HMGB1: variants seen among roughly 807,000 people sequenced by gnomAD.
HMGB1 encodes high mobility group protein B1.
For missense variants in HMGB1, 79 were observed against 253.5 expected, an observed-to-expected ratio of 0.31 and a Z score of 4.67; for synonymous variants, 81 against 84.0, an observed-to-expected ratio of 0.96 and a Z score of 0.19.
intron 1 of HMGB1, among the ~76,000 whole-genome samples, chr13:30,518,054 G>T (rs909316218): frequency 1.3e-5 from 2 of 152,224 alleles, no homozygotes; most frequent in Non-Finnish European, 2.9e-5. Context: ...TATCTGGCTG[G>T]GTGTGGTGGC....
chr13:30,526,884 C>T (rs1888379726), intron 1 of HMGB1, among the ~76,000 whole-genome samples: 1 of 152,260 alleles, frequency 6.6e-6, no homozygotes, highest in Non-Finnish European at 1.5e-5. Context: ...GCACTTGGCA[C>T]TGTTTTGTCT....
chr13:30,526,577 T>A lies in HMGB1; in HGVS notation c.-14-62883A>T, dbSNP rs1026265076. On this transcript the variant is annotated intron_variant, in intron 1 of 4. Coordinates refer to the HMGB1 transcript ENST00000405805. ...ACCTCACCAGATAACCTAAAAAAAA[T>A]TAAAATCAAATTGCTATAATCACAG... 3.9e-5 allele frequency among the ~76,000 whole-genome samples: 6 copies of A among 152,090 alleles called. No individual in the cohort carries two copies. In the East Asian group the frequency reaches 9.6e-4, roughly 24 times the overall value.
Position 30,460,314 on chromosome 13 carries a change from T to C in HMGB1, c.*1043A>G, listed in dbSNP as rs1454394418. 4.6e-5 allele frequency: 7 copies of C among 151,174 alleles called. No individual in the cohort carries two copies. Among genetic ancestry groups the C allele is most frequent in the Non-Finnish European group, 8.9e-5 (6 of 67,750 alleles). 9.4% of individuals were successfully genotyped at this position (151,174 alleles called of 1,614,324 possible). On this transcript the variant is annotated 3_prime_UTR_variant, in exon 5 of 5. Transcript: ENST00000341423. Reference sequence around the variant, plus strand: ...TTAAAAATACTTGTAATGGAAAGTCTCGTTTCCTGAGCAGTCCATATTTAG... The same window carrying C: ...TTAAAAATACTTGTAATGGAAAGTCCCGTTTCCTGAGCAGTCCATATTTAG...
At chr13:30,466,296 T>TG (rs1555232708), upstream of HMGB1, among the ~76,000 whole-genome samples, 1 of 145,552 alleles carries the variant, frequency 6.9e-6, no homozygotes, top group Non-Finnish European at 1.5e-5. Flanking sequence ...CCCACAGGTC[T>TG]CCCCCCCCCT....
upstream of HMGB1, among the ~76,000 whole-genome samples, chr13:30,469,926 GC>G (rs1886881453): frequency 6.6e-6 from 1 of 152,304 alleles, no homozygotes; most frequent in Middle Eastern, 3.4e-3. Context: ...ACTGTGCCCA[GC>G]CCCAGCTAAT....
intron 1 of HMGB1, chr13:30,464,740 C>T: frequency 2.0e-6 from 1 of 499,312 alleles, no homozygotes; most frequent in Non-Finnish European, 2.6e-6. Flanking sequence ...CGAGCGCGAG[C>T]GAGAATATGG....
At chr13:30,513,684 C>G (rs975182522) in intron 1 of HMGB1, among the ~76,000 whole-genome samples, 3 of 152,194 alleles carry the variant, frequency 2.0e-5, no homozygotes, top group African/African-American at 7.2e-5. Context: ...TTGGCCAATG[C>G]CAAGTTTTCT....
intron 1 of HMGB1, among the ~76,000 whole-genome samples, chr13:30,534,208 C>T (rs1012289623): frequency 2.0e-5 from 3 of 152,144 alleles, no homozygotes; most frequent in Non-Finnish European, 2.9e-5. Flanking sequence ...AAAAGATGAC[C>T]GTCCAAATTC....
At chr13:30,554,135 G>A in intron 1 of HMGB1, 3 of 1,263,348 alleles carry the variant, frequency 2.4e-6, no homozygotes, top group South Asian at 2.4e-5. Context: ...ATATTACACA[G>A]TACATCTACT....
intron 1 of HMGB1, among the ~76,000 whole-genome samples, chr13:30,483,617 C>CTTTTTT (rs61395953): frequency 0.01 from 1,397 of 135,852 alleles, 26 homozygotes; most frequent in Non-Finnish European, 0.016. Flanking sequence ...GTGCAAATTT[C>CTTTTTT]TTTTTTTTTT....
chr13:30,555,752 C>G (rs1327268960), intron 1 of HMGB1, among the ~76,000 whole-genome samples: 1 of 152,134 alleles, frequency 6.6e-6, no homozygotes, highest in Non-Finnish European at 1.5e-5. Context: ...GTTTAGATAT[C>G]AATATCTCAT....
At chr13:30,598,046 T>G (rs552098720) in intron 1 of HMGB1, among the ~76,000 whole-genome samples, 5 of 152,234 alleles carry the variant, frequency 3.3e-5, no homozygotes. Flanking sequence ...AGTTAGCAAC[T>G]TTTTACATTT....
At chr13:30,518,915 T>G (rs1037933370) in intron 1 of HMGB1, among the ~76,000 whole-genome samples, 6 of 151,682 alleles carry the variant, frequency 4.0e-5, no homozygotes, top group African/African-American at 1.5e-4. Context: ...ATTTTTATTT[T>G]TATTTTTGTA....
intron 1 of HMGB1, among the ~76,000 whole-genome samples, chr13:30,520,506 G>C (rs1246852663): frequency 6.6e-6 from 1 of 151,812 alleles, no homozygotes; most frequent in Non-Finnish European, 1.5e-5. Context: ...TGTAATCCCA[G>C]CTACTTGGGT....
At chr13:30,616,889 T>C (rs562066553) in exon 1 of HMGB1, 5 of 152,246 alleles carry the variant, frequency 3.3e-5, no homozygotes, top group Non-Finnish European at 5.9e-5. Flanking sequence ...ATACCAATTG[T>C]GGTTTTTCTG....
rs961404265 is a variant in HMGB1 at position 30,537,027 on chromosome 13, T to C, written c.-14-73333A>G. ...CTTCCCTGTTCGTATATTTGTGATG[T>C]CTTCTAGAAACTTCCTGAGAAAGGA... On this transcript the variant is annotated intron_variant, in intron 1 of 4. Coordinates refer to the HMGB1 transcript ENST00000405805. Among the ~76,000 whole-genome samples the C allele has an allele frequency of 3.3e-5, 5 of 152,360 alleles. No homozygotes were observed. In the East Asian group the frequency reaches 7.7e-4, roughly 24 times the overall value.
chr13:30,567,797 G>A (rs752801191), intron 1 of HMGB1, among the ~76,000 whole-genome samples: 1 of 152,080 alleles, frequency 6.6e-6, no homozygotes, highest in South Asian at 2.1e-4. Flanking sequence ...ACTCCATCAC[G>A]GCTCCCAGGC....
At chr13:30,549,507 T>C (rs895483898) in intron 1 of HMGB1, among the ~76,000 whole-genome samples, 1 of 152,082 alleles carries the variant, frequency 6.6e-6, no homozygotes, top group Non-Finnish European at 1.5e-5. Context: ...ATCAGCCTCC[T>C]GAGTAGCTGG....
intron 1 of HMGB1, among the ~76,000 whole-genome samples, chr13:30,588,773 C>G (rs979078492): frequency 6.6e-6 from 1 of 151,724 alleles, no homozygotes; most frequent in Admixed American, 6.6e-5. Flanking sequence ...AGAAATTAGC[C>G]GTGAATGATG....
Sources: allele counts gnomAD v4.1 joint callset (sites outside exome capture counted in the v4.1 genomes callset), GRCh38; gene constraint gnomAD v4.1.1; transcripts MANE v1.5; gene names NCBI Gene and HGNC (gene_info 2026-07-23, HGNC 2026-07-21).